The following PLXNA2 variants were observed in gnomAD, a reference collection of about 807,000 sequenced individuals.
PLXNA2 encodes plexin-A2.
A neutral mutation model predicts 193.5 loss-of-function variants in PLXNA2; 91 were observed. That is an observed-to-expected ratio of 0.47 (90% CI 0.40 to 0.56). The LOEUF (loss-of-function observed/expected upper bound fraction) is 0.56. Ranked by LOEUF, PLXNA2 falls within the 20% of genes least tolerant of loss-of-function variation. The pLI is 0.00. For synonymous variants in PLXNA2, 997 were observed against 1,027.3 expected (o/e 0.97, Z 0.56); for missense variants, 1,995 against 2,503.2 (o/e 0.80, Z 4.33).
chr1:208,112,028 A>G (rs970424688), intron 4 of PLXNA2, among the ~76,000 whole-genome samples: 1 of 152,346 alleles, frequency 6.6e-6, no homozygotes, highest in South Asian at 2.1e-4. Context: ...TTCAAAGAGA[A>G]AATCTATTTT....
At chr1:208,212,239 G>A (rs957396964) in intron 2 of PLXNA2, among the ~76,000 whole-genome samples, 1 of 152,088 alleles carries the variant, frequency 6.6e-6, no homozygotes, top group Admixed American at 6.6e-5. Flanking sequence ...TCATTTCTTT[G>A]GAATAATTGG....
intron 3 of PLXNA2, among the ~76,000 whole-genome samples, chr1:208,190,107 GTA>G (rs1393281005): frequency 3.9e-5 from 6 of 152,198 alleles, no homozygotes; most frequent in Admixed American, 3.9e-4. Flanking sequence ...GTATGTGTGT[GTA>G]TATGAGTATA....
rs759367324 is a variant in PLXNA2 at position 208,038,957 on chromosome 1, CGTT to C, written c.4525_4527del (p.Asn1509del). The stretch of plus-strand genomic sequence containing the variant: ...TTCACTGGGATCTCTGGACTGTTCT[CGTT>C]GTCAGGGTTGACGCAGTTCAGGATC... On this transcript the variant is annotated inframe_deletion, in exon 25 of 32. Coordinates refer to ENST00000367033, the MANE Select transcript of PLXNA2 (RefSeq NM_025179.4). The surrounding 1 kb of genome is among the most constrained non-coding windows in gnomAD (Gnocchi z 4.1). 6.2e-7 allele frequency: 1 copy of C among 1,613,998 alleles called. No homozygotes were observed. Among genetic ancestry groups the C allele is most frequent in the African/African-American group, 1.3e-5 (1 of 75,032 alleles).
intron 1 of PLXNA2, among the ~76,000 whole-genome samples, chr1:208,229,270 A>G (rs1044908264): frequency 2.0e-5 from 3 of 152,144 alleles, no homozygotes; most frequent in Non-Finnish European, 4.4e-5. Context: ...CACACACTAC[A>G]TTGCAGCATT....
chr1:208,239,530 G>T (rs535680302), intron 1 of PLXNA2, among the ~76,000 whole-genome samples: 1 of 152,108 alleles, frequency 6.6e-6, no homozygotes, highest in Non-Finnish European at 1.5e-5. Flanking sequence ...TGATGTTCAG[G>T]ATTCCAGGTC....
Position 208,045,287 on chromosome 1 carries a change from A to C in PLXNA2, c.3496-77T>G, listed in dbSNP as rs113359427. ...TTAATTGCCTACTTAAAAAGAGATT[A>C]AGGAGACGGGGAAGGGCAGCAGTGC... On this transcript the variant is annotated intron_variant, in intron 18 of 31. Coordinates refer to ENST00000367033, the MANE Select transcript of PLXNA2 (RefSeq NM_025179.4). 163 of 1,473,006 alleles carry C rather than the reference A, an allele frequency of 1.1e-4. 1 individual carries two copies. The African/African-American group carries it at 1.8e-3, about 16-fold the overall frequency. 91.2% of individuals were successfully genotyped at this position (1,473,006 alleles called of 1,614,324 possible).
intron 3 of PLXNA2, among the ~76,000 whole-genome samples, chr1:208,198,484 T>C (rs760649775): frequency 7.9e-5 from 12 of 152,170 alleles, no homozygotes; most frequent in Non-Finnish European, 1.3e-4. Flanking sequence ...CAGCAAACAA[T>C]GATGCCTGGA....
intron 1 of PLXNA2, among the ~76,000 whole-genome samples, chr1:208,237,519 A>G (rs552751053): frequency 1.3e-5 from 2 of 152,340 alleles, no homozygotes; most frequent in South Asian, 4.1e-4. Context: ...ATATTGACTA[A>G]TAGAAAACAA....
chr1:208,098,940 GC>G lies in PLXNA2; in HGVS notation c.1636del (p.Ala546ProfsTer15). On this transcript the variant is annotated frameshift_variant, in exon 6 of 32. Coordinates refer to ENST00000367033, the MANE Select transcript of PLXNA2 (RefSeq NM_025179.4). LOFTEE classifies it high-confidence loss of function. ...GGCAGCAAATCGATTAGGTTCCCAG[GC>G]CTGTTGGCATTTGTCCCTGCGGGAG... is the stretch of plus-strand genomic sequence containing the variant. ...MCSRRDKCQQ[A>X]WEPNRFAASI... 6.2e-7 allele frequency: 1 copy of G among 1,613,180 alleles called. No individual in the cohort carries two copies.
At chr1:208,119,081 T>A (rs1667728237) in intron 4 of PLXNA2, among the ~76,000 whole-genome samples, 2 of 152,216 alleles carry the variant, frequency 1.3e-5, no homozygotes, top group South Asian at 4.1e-4. Flanking sequence ...GGTGATGCAT[T>A]ATCATTCCAG....
chr1:208,122,194 T>C (rs979838526), intron 4 of PLXNA2, among the ~76,000 whole-genome samples: 2 of 152,348 alleles, frequency 1.3e-5, no homozygotes, highest in African/African-American at 4.8e-5. Context: ...CATAAACGGC[T>C]ATAAATATCA....
intron 3 of PLXNA2, among the ~76,000 whole-genome samples, chr1:208,155,970 A>G (rs1668928369): frequency 6.6e-6 from 1 of 152,194 alleles, no homozygotes; most frequent in South Asian, 2.1e-4. Flanking sequence ...CCTCCCCATG[A>G]AGCGCAGTGA....
intron 29 of PLXNA2, 193 bp from the exon 30 acceptor site, chr1:208,029,235 C>T (rs1303665467): frequency 1.4e-6 from 2 of 1,411,342 alleles, no homozygotes; most frequent in Non-Finnish European, 1.8e-6. Context: ...GAAGGAGAGG[C>T]ACTTTGTACC....
Position 208,042,339 on chromosome 1 carries a change from C to T in PLXNA2, c.4045G>A (p.Glu1349Lys). The T allele has an allele frequency of 3.1e-6, 5 of 1,614,068 alleles. No homozygotes were observed. Among genetic ancestry groups the T allele is most frequent in the Non-Finnish European group, 4.2e-6 (5 of 1,179,936 alleles). The change falls in exon 22 of 32, where the codon GAG (glutamate) becomes AAG (lysine). Residue 1349 changes from glutamate to lysine, a missense_variant. By Grantham distance (56) the Glu-to-Lys change is moderately conservative. Coordinates refer to ENST00000367033, the MANE Select transcript of PLXNA2 (RefSeq NM_025179.4). ...TGGGCAAAGAGCTTCAGGGCCTTCT[C>T]CACGTGCTGCTGCCCGTTTCCTTGT... is the stretch of plus-strand genomic sequence containing the variant. ...EVQGNGQQHV[E>K]KALKLFAQLI...
In PLXNA2 at chr1:208,042,342, C is replaced by A. The variant is rs764579780; in HGVS notation, c.4042G>T (p.Val1348Leu). The change falls in exon 22 of 32, where the codon GTG becomes TTG. Residue 1348 changes from valine (V) to leucine (L), a missense_variant. By Grantham distance (32) the Val-to-Leu change is conservative. Coordinates refer to ENST00000367033, the MANE Select transcript of PLXNA2 (RefSeq NM_025179.4). ...GCAAAGAGCTTCAGGGCCTTCTCCA[C>A]GTGCTGCTGCCCGTTTCCTTGTACC... ...LEVQGNGQQH[V>L]EKALKLFAQL... 2.4e-5 allele frequency: 39 copies of A among 1,613,888 alleles called. No homozygotes were observed. In the South Asian group the frequency reaches 4.3e-4, roughly 18 times the overall value.
At chr1:208,121,842 T>A (rs1296849561) in intron 4 of PLXNA2, among the ~76,000 whole-genome samples, 1 of 151,836 alleles carries the variant, frequency 6.6e-6, no homozygotes, top group Non-Finnish European at 1.5e-5. Context: ...CAAACACACA[T>A]CCATACCACA....
intron 1 of PLXNA2, 135 bp from the exon 2 acceptor site, chr1:208,218,137 T>A (rs956591339): frequency 1.3e-5 from 9 of 694,936 alleles, no homozygotes; most frequent in Non-Finnish European, 2.1e-5. Flanking sequence ...TTTCTATTTT[T>A]AACATACTTT....
chr1:208,235,754 G>A (rs1411212267), intron 1 of PLXNA2, among the ~76,000 whole-genome samples: 3 of 152,194 alleles, frequency 2.0e-5, no homozygotes, highest in Non-Finnish European at 2.9e-5. Context: ...TAAACCTCCT[G>A]CAGGATTGTG....
intron 3 of PLXNA2, among the ~76,000 whole-genome samples, chr1:208,200,574 CTTCTTTTTT>C (rs1670514375): frequency 8.7e-6 from 1 of 114,680 alleles, no homozygotes; most frequent in Admixed American, 1.1e-4. Context: ...TATCCCAATC[CTTCTTTTTT>C]TTTTTTTTTT....
Sources: gnomAD v4.1 joint callset for allele counts (sites outside exome capture counted in the v4.1 genomes callset) on GRCh38, gnomAD v4.1.1 for gene constraint, Gnocchi (gnomAD v3.1) non-coding constraint, MANE v1.5 for transcripts, NCBI Gene and HGNC (gene_info 2026-07-23, HGNC 2026-07-21) for gene names.